The following PALLD variants were observed in gnomAD, a reference collection of about 807,000 sequenced individuals.
PALLD encodes the protein palladin.
In PALLD, 61 loss-of-function variants were observed where a neutral mutation model predicts 123.5. The observed-to-expected ratio is 0.49, with a 90% CI of 0.40 to 0.61. The LOEUF (loss-of-function observed/expected upper bound fraction) is 0.61, where lower values mean the gene tolerates loss of function less well. PALLD is among the 20% of genes least tolerant of loss of function. PALLD has a pLI of 0.00. For synonymous variants in PALLD, 465 were observed against 496.4 expected (o/e 0.94, Z 0.84); for missense variants, 1,273 against 1,377.0 (o/e 0.92, Z 1.20).
At chr4:168,597,377 A>C (rs1431058499) in intron 2 of PALLD, among the ~76,000 whole-genome samples, 1 of 152,078 alleles carries the variant, frequency 6.6e-6, no homozygotes, top group Non-Finnish European at 1.5e-5. Flanking sequence ...TTTAAGAAAA[A>C]GAATACAATA....
chr4:168,909,106 G>A (rs1758388039), intron 15 of PALLD, among the ~76,000 whole-genome samples: 1 of 152,154 alleles, frequency 6.6e-6, no homozygotes. Flanking sequence ...ACACCAAAGA[G>A]AATGCCAAAA....
intron 10 of PALLD, among the ~76,000 whole-genome samples, chr4:168,872,435 C>A (rs868682798): frequency 2.0e-5 from 3 of 152,056 alleles, no homozygotes; most frequent in South Asian, 2.1e-4. Flanking sequence ...CATTAAAGGT[C>A]AAAAAATAGG....
chr4:168,745,122 A>G lies in PALLD; in HGVS notation c.1964+33199A>G, dbSNP rs141246669. On this transcript the variant is annotated intron_variant, in intron 10 of 21. Transcript: ENST00000505667. Reference sequence around the variant, plus strand: ...AAGCTTTAGCTTTATTGATAAAACAAAAGTAATAATAGCACCATAGGACTG... The same window carrying G: ...AAGCTTTAGCTTTATTGATAAAACAGAAGTAATAATAGCACCATAGGACTG... Among the ~76,000 whole-genome samples, 19 of 152,338 alleles carry G rather than the reference A, an allele frequency of 1.2e-4. 1 individual carries two copies. In the East Asian group the frequency reaches 3.7e-3, roughly 29 times the overall value.
At chr4:168,853,288 A>G (rs1440791962) in intron 10 of PALLD, among the ~76,000 whole-genome samples, 2 of 152,290 alleles carry the variant, frequency 1.3e-5, no homozygotes, top group East Asian at 1.9e-4. Context: ...CAGATGATCA[A>G]TGGTCCTTCT....
At chr4:168,762,750 C>T (rs1733128721) in intron 10 of PALLD, among the ~76,000 whole-genome samples, 1 of 152,100 alleles carries the variant, frequency 6.6e-6, no homozygotes, top group African/African-American at 2.4e-5. Context: ...GCACTGTTCA[C>T]AATAGCAAAG....
intron 2 of PALLD, among the ~76,000 whole-genome samples, chr4:168,647,269 G>C (rs1777555350): frequency 6.6e-6 from 1 of 152,144 alleles, no homozygotes; most frequent in Admixed American, 6.5e-5. Flanking sequence ...TTAGGATCTA[G>C]TAAGTTCTTC....
At chr4:168,684,374 G>A (rs985896102) in intron 5 of PALLD, among the ~76,000 whole-genome samples, 1 of 152,140 alleles carries the variant, frequency 6.6e-6, no homozygotes, top group Non-Finnish European at 1.5e-5. Flanking sequence ...AAACTCCATC[G>A]CTTTATTATT....
chr4:168,859,844 A>G (rs546213386), intron 10 of PALLD, among the ~76,000 whole-genome samples: 1 of 152,370 alleles, frequency 6.6e-6, no homozygotes, highest in East Asian at 1.9e-4. Flanking sequence ...TTAAAAAGGA[A>G]AAAGAAATTA....
intron 2 of PALLD, among the ~76,000 whole-genome samples, chr4:168,567,055 T>A (rs1195042539): frequency 6.6e-6 from 1 of 152,188 alleles, no homozygotes; most frequent in Non-Finnish European, 1.5e-5. Context: ...TTACCTTACT[T>A]GAACAGTGAG....
In PALLD at chr4:168,877,872, C is replaced by T. The variant is rs1374252137; in HGVS notation, c.1965-13050C>T. The T allele has an allele frequency of 4.2e-6, 6 of 1,428,522 alleles. No homozygotes were observed. The South Asian group carries it at 5.6e-5, about 13-fold the overall frequency. 88.5% of individuals were successfully genotyped at this position (1,428,522 alleles called of 1,614,324 possible). On this transcript the variant is annotated intron_variant, in intron 10 of 21. Coordinates refer to ENST00000505667, the MANE Select transcript of PALLD (RefSeq NM_001166108.2). ...TTCCCCGAGCTCGCGGCCTGCACGC[C>T]GCCCGCGTCCCCGGAGCCCATGAGC... is the stretch of plus-strand genomic sequence containing the variant.
intron 15 of PALLD, 51 bp downstream of exon 15, chr4:168,903,957 C>T: frequency 6.7e-7 from 1 of 1,496,436 alleles, no homozygotes; most frequent in Non-Finnish European, 9.3e-7. Flanking sequence ...TGCTTACAGG[C>T]ATTTGATTAG....
intron 10 of PALLD, among the ~76,000 whole-genome samples, chr4:168,792,322 C>T (rs1182572279): frequency 6.8e-6 from 1 of 147,522 alleles, no homozygotes; most frequent in Non-Finnish European, 1.5e-5. Context: ...GAACAGGGTT[C>T]CTTTAAAAAA....
chr4:168,694,377 G>C (rs28641686), intron 8 of PALLD, among the ~76,000 whole-genome samples: 61,546 of 151,852 alleles, frequency 0.41, 14,672 homozygotes, highest in African/African-American at 0.68. Context: ...TTTTATTACT[G>C]TCTCTTCCTA....
chr4:168,880,164 TTAAGA>T (rs1168510937), intron 10 of PALLD, among the ~76,000 whole-genome samples: 2 of 152,246 alleles, frequency 1.3e-5, no homozygotes, highest in African/African-American at 4.8e-5. Context: ...TGAAACCTTC[TTAAGA>T]TAAGCAAGTT....
Position 168,713,671 on chromosome 4 carries a change from G to A in PALLD, c.1964+1748G>A, listed in dbSNP as rs536834759. On this transcript the variant is annotated intron_variant, in intron 10 of 21. Coordinates refer to ENST00000505667, the MANE Select transcript of PALLD (RefSeq NM_001166108.2). ...CAGAATGTAGACAAAACAACTTCGC[G>A]TTCATTAAGAGGATGACAGCTTAAG... 7.2e-5 allele frequency among the ~76,000 whole-genome samples: 11 copies of A among 152,126 alleles called. No individual in the cohort carries two copies. The South Asian group carries it at 8.3e-4, about 11-fold the overall frequency.
At chr4:168,558,473 C>T (rs188854433) in intron 2 of PALLD, among the ~76,000 whole-genome samples, 1 of 152,082 alleles carries the variant, frequency 6.6e-6, no homozygotes, top group Admixed American at 6.5e-5. Context: ...GAGATAACAC[C>T]CCTCCCTCAG....
chr4:168,701,268 G>A (rs1783646268), intron 8 of PALLD, among the ~76,000 whole-genome samples: 1 of 152,270 alleles, frequency 6.6e-6, no homozygotes. Flanking sequence ...AGCTGCCCCA[G>A]AGCCCATGTG....
intron 3 of PALLD, among the ~76,000 whole-genome samples, chr4:168,675,651 G>A (rs939273696): frequency 1.3e-5 from 2 of 152,168 alleles, no homozygotes; most frequent in Admixed American, 1.3e-4. Flanking sequence ...AGGGTTGAGT[G>A]GGTTAATCCA....
chr4:168,825,468 CATA>C (rs1743292383), intron 10 of PALLD, among the ~76,000 whole-genome samples: 1 of 152,162 alleles, frequency 6.6e-6, no homozygotes, highest in Non-Finnish European at 1.5e-5. Flanking sequence ...CTTCAGATAA[CATA>C]ATCCCGTTTA....
Sources: allele counts gnomAD v4.1 joint callset (sites outside exome capture counted in the v4.1 genomes callset), GRCh38; gene constraint gnomAD v4.1.1; transcripts MANE v1.5; gene names NCBI Gene and HGNC (gene_info 2026-07-23, HGNC 2026-07-21).